NCAM2: variants seen among roughly 807,000 people sequenced by gnomAD.
The protein encoded by NCAM2 is N-CAM-2.
NCAM2 carries 30 observed loss-of-function variants against 98.1 expected under a neutral mutation model. That is an observed-to-expected ratio of 0.31 (90% CI 0.23 to 0.41). The LOEUF is 0.41. Ranked by LOEUF, NCAM2 falls within the 10% of genes least tolerant of loss-of-function variation. NCAM2 has a pLI of 1.00. For missense variants in NCAM2, 867 were observed against 1,005.8 expected, an observed-to-expected ratio of 0.86 and a Z score of 1.87; for synonymous variants, 368 against 342.4, an observed-to-expected ratio of 1.07 and a Z score of -0.83.
intron 1 of NCAM2, among the ~76,000 whole-genome samples, chr21:21,004,733 C>T (rs531562453): frequency 6.6e-6 from 1 of 152,206 alleles, no homozygotes; most frequent in East Asian, 1.9e-4. Context: ...AACTGACAGG[C>T]TCTCTTATCA....
At chr21:21,411,224 A>C (rs1442155930) in intron 10 of NCAM2, among the ~76,000 whole-genome samples, 1 of 141,414 alleles carries the variant, frequency 7.1e-6, no homozygotes, top group African/African-American at 2.6e-5. Flanking sequence ...TTTTCCATAT[A>C]TATATATATG....
chr21:21,340,422 G>T (rs1195097975), intron 8 of NCAM2, among the ~76,000 whole-genome samples: 1 of 151,688 alleles, frequency 6.6e-6, no homozygotes, highest in Non-Finnish European at 1.5e-5. Context: ...TATGCCTCAG[G>T]CCACCCCAAA....
At chr21:21,232,525 G>A (rs2070670794) in intron 1 of NCAM2, among the ~76,000 whole-genome samples, 1 of 151,386 alleles carries the variant, frequency 6.6e-6, no homozygotes, top group Non-Finnish European at 1.5e-5. Flanking sequence ...GGCATCAGAA[G>A]GGCAGTTTGC....
At chr21:21,093,160 A>G (rs1259942368) in intron 1 of NCAM2, among the ~76,000 whole-genome samples, 1 of 152,140 alleles carries the variant, frequency 6.6e-6, no homozygotes, top group Non-Finnish European at 1.5e-5. Flanking sequence ...GCTTAAGAAC[A>G]GGCAAAGGAT....
At chr21:21,071,870 C>CCTATCTATCTAT (rs35549924) in intron 1 of NCAM2, among the ~76,000 whole-genome samples, 63 of 138,170 alleles carry the variant, frequency 4.6e-4, no homozygotes, top group East Asian at 1.0e-3. Context: ...GTCATGTCTG[C>CCTATCTATCTAT]CTATCTATCT....
intron 1 of NCAM2, among the ~76,000 whole-genome samples, chr21:21,200,122 G>A (rs1256359693): frequency 6.6e-6 from 1 of 152,038 alleles, no homozygotes; most frequent in Non-Finnish European, 1.5e-5. Flanking sequence ...AGAGAAGAGA[G>A]TAATAAACCA....
At chr21:21,013,994 A>G (rs578141371) in intron 1 of NCAM2, among the ~76,000 whole-genome samples, 4 of 152,286 alleles carry the variant, frequency 2.6e-5, no homozygotes, top group South Asian at 4.1e-4. Flanking sequence ...CTATTGTCAG[A>G]TGATACTATC....
At chr21:21,236,177 A>G (rs1404101137) in intron 1 of NCAM2, among the ~76,000 whole-genome samples, 2 of 152,004 alleles carry the variant, frequency 1.3e-5, no homozygotes, top group Non-Finnish European at 2.9e-5. Context: ...AAATAAATAA[A>G]TAAAGCGCTT....
chr21:21,450,954 T>A (rs1980968258), intron 12 of NCAM2, among the ~76,000 whole-genome samples: 1 of 144,082 alleles, frequency 6.9e-6, no homozygotes, highest in Non-Finnish European at 1.5e-5. Context: ...GAGAAAGAAG[T>A]AGGAATATAT....
intron 8 of NCAM2, among the ~76,000 whole-genome samples, chr21:21,342,506 C>A (rs764081834): frequency 1.2e-4 from 19 of 152,100 alleles, no homozygotes; most frequent in Admixed American, 1.2e-3. Flanking sequence ...TATATGAAGC[C>A]TCTCCAGTAT....
chr21:21,196,444 C>T (rs1364237922), intron 1 of NCAM2, among the ~76,000 whole-genome samples: 1 of 152,180 alleles, frequency 6.6e-6, no homozygotes, highest in African/African-American at 2.4e-5. Context: ...CTTCTCAATC[C>T]TTGCTTCCTG....
At chr21:21,039,344 C>T (rs964763283) in intron 1 of NCAM2, among the ~76,000 whole-genome samples, 2 of 152,106 alleles carry the variant, frequency 1.3e-5, no homozygotes, top group African/African-American at 4.8e-5. Flanking sequence ...CTTAATAATC[C>T]ACCATTGGGA....
At chr21:21,043,679 C>T (rs192943180) in intron 1 of NCAM2, among the ~76,000 whole-genome samples, 88 of 151,244 alleles carry the variant, frequency 5.8e-4, no homozygotes, top group Non-Finnish European at 1.0e-3. Flanking sequence ...AGTGAAACCG[C>T]GAATCTACTA....
intron 9 of NCAM2, among the ~76,000 whole-genome samples, chr21:21,388,288 CT>C (rs1235495853): frequency 1.3e-5 from 2 of 152,078 alleles, no homozygotes; most frequent in African/African-American, 4.8e-5. Flanking sequence ...TGAAATTTTG[CT>C]AAACAATTTA....
intron 1 of NCAM2, among the ~76,000 whole-genome samples, chr21:21,264,771 TATATATATACATATATATATATTC>T (rs2072070780): frequency 1.7e-4 from 2 of 11,788 alleles, no homozygotes; most frequent in African/African-American, 8.0e-4. Context: ...TATATTCCAC[TATATATATACATATATATATATTC>T]CACTATATAT....
intron 1 of NCAM2, among the ~76,000 whole-genome samples, chr21:21,029,773 A>C (rs1321129236): frequency 6.6e-6 from 1 of 151,756 alleles, no homozygotes; most frequent in Admixed American, 6.6e-5. Flanking sequence ...TGGGGCTGCA[A>C]GTGCACACCG....
chr21:21,010,039 C>T (rs2064180492), intron 1 of NCAM2, among the ~76,000 whole-genome samples: 1 of 151,780 alleles, frequency 6.6e-6, no homozygotes, highest in Non-Finnish European at 1.5e-5. Context: ...ATCTGTGTGC[C>T]TGCCATTTAT....
At chr21:21,339,732 C>T (rs962940304) in intron 8 of NCAM2, among the ~76,000 whole-genome samples, 6 of 151,776 alleles carry the variant, frequency 4.0e-5, no homozygotes, top group African/African-American at 1.4e-4. Context: ...CAGTCCATCC[C>T]ATCATGTTAT....
intron 16 of NCAM2, among the ~76,000 whole-genome samples, chr21:21,527,943 T>C (rs1989417452): frequency 6.6e-6 from 1 of 152,190 alleles, no homozygotes; most frequent in Admixed American, 6.5e-5. Context: ...TTGGAAGCAA[T>C]TAAAACATCC....
Sources: gnomAD v4.1 joint callset for allele counts (sites outside exome capture counted in the v4.1 genomes callset) on GRCh38, gnomAD v4.1.1 for gene constraint, MANE v1.5 for transcripts, NCBI Gene and HGNC (gene_info 2026-07-23, HGNC 2026-07-21) for gene names.